Variants in SFXN4 observed in about 807,000 individuals in gnomAD.
The protein encoded by SFXN4 is sideroflexin-4.
In SFXN4, 48 loss-of-function variants were observed where a neutral mutation model predicts 54.6. The observed-to-expected ratio is 0.88, with a 90% CI of 0.70 to 1.12. The LOEUF (loss-of-function observed/expected upper bound fraction) is 1.12. Among genes scored for constraint, SFXN4 ranks in the 50% most tolerant of loss-of-function variants. The pLI is 0.00. For missense variants in SFXN4, 383 were observed against 409.2 expected (o/e 0.94, Z 0.55); for synonymous variants, 130 against 145.5 (o/e 0.89, Z 0.77).
rs992360319 is a variant in SFXN4 at position 119,156,669 on chromosome 10, C to A, written c.616+9G>T. On this transcript the variant is annotated intron_variant, in intron 10 of 13. Coordinates refer to ENST00000355697, the MANE Select transcript of SFXN4 (RefSeq NM_213649.2). Reference sequence around the variant, plus strand: ...ACCCAGACTGCAGCCTCCAGCCCTTCCTGCTCACCGAGGAAGATCACAGGT... The same window carrying A: ...ACCCAGACTGCAGCCTCCAGCCCTTACTGCTCACCGAGGAAGATCACAGGT... 1 of 1,604,354 alleles carries A rather than the reference C, an allele frequency of 6.2e-7. No homozygotes were observed. The highest frequency in any genetic ancestry group is 8.5e-7 in the Non-Finnish European group (1 of 1,173,858).
chr10:119,164,802 T>C (rs1187793787), intron 1 of SFXN4, among the ~76,000 whole-genome samples: 2 of 152,112 alleles, frequency 1.3e-5, no homozygotes, highest in South Asian at 2.1e-4. Context: ...GACCCCACTT[T>C]AGGAGAGGCC....
chr10:119,160,221 T>A (rs1255370047), intron 5 of SFXN4, among the ~76,000 whole-genome samples: 1 of 151,970 alleles, frequency 6.6e-6, no homozygotes, highest in African/African-American at 2.4e-5. Context: ...AAAATTACTA[T>A]AACATGGCCA....
At chr10:119,152,074 G>T (rs925170806) in intron 11 of SFXN4, among the ~76,000 whole-genome samples, 4 of 151,798 alleles carry the variant, frequency 2.6e-5, no homozygotes, top group Non-Finnish European at 5.9e-5. Context: ...CTCCCAAAGT[G>T]TTGGGATTAC....
intron 6 of SFXN4, among the ~76,000 whole-genome samples, chr10:119,159,202 C>G (rs1341542583): frequency 1.3e-5 from 2 of 151,868 alleles, no homozygotes; most frequent in African/African-American, 4.8e-5. Flanking sequence ...ATTGCTTGAA[C>G]GAGGGAGGCA....
chr10:119,164,268 C>CATTT, intron 1 of SFXN4, 72 bp from the exon 2 acceptor site: 1 of 504,254 alleles, frequency 2.0e-6, no homozygotes, highest in Admixed American at 4.3e-5. Flanking sequence ...TAACAGTTGG[C>CATTT]TTTTTTTTTT....
In SFXN4 at chr10:119,164,223, G is replaced by C. The variant is rs367808879; in HGVS notation, c.112-27C>G. The C allele has an allele frequency of 2.4e-5, 33 of 1,377,908 alleles. No individual in the cohort carries two copies. The African/African-American group carries it at 4.6e-4, about 19-fold the overall frequency. 85.4% of individuals were successfully genotyped at this position (1,377,908 alleles called of 1,614,324 possible). ...TTAGGAGGGAGAAAAGCAACAGAGAGGTTAATGGCAGCAGAAAAATAAAGA... is the reference window on the plus strand; with the variant it reads ...TTAGGAGGGAGAAAAGCAACAGAGACGTTAATGGCAGCAGAAAAATAAAGA... On this transcript the variant is annotated intron_variant, in intron 1 of 13. Coordinates refer to ENST00000355697, the MANE Select transcript of SFXN4 (RefSeq NM_213649.2).
chr10:119,162,701 T>C (rs1165905342), intron 2 of SFXN4, among the ~76,000 whole-genome samples: 1 of 152,214 alleles, frequency 6.6e-6, no homozygotes, highest in African/African-American at 2.4e-5. Flanking sequence ...CACCATCCCC[T>C]GGCTATACAT....
intron 13 of SFXN4, among the ~76,000 whole-genome samples, 188 bp from the exon 14 acceptor site, chr10:119,141,507 CTTT>C (rs1234472904): frequency 2.7e-4 from 31 of 113,344 alleles, no homozygotes; most frequent in African/African-American, 9.3e-4. Flanking sequence ...ACTTCTTAAA[CTTT>C]TTTTTTTTTT....
At chr10:119,164,262 A>G in intron 1 of SFXN4, 66 bp from the exon 2 acceptor site, 1 of 761,284 alleles carries the variant, frequency 1.3e-6, no homozygotes, top group Admixed American at 3.3e-5. Context: ...AAATACTAAC[A>G]GTTGGCTTTT....
intron 11 of SFXN4, among the ~76,000 whole-genome samples, chr10:119,153,823 G>A (rs1186333127): frequency 6.6e-6 from 1 of 152,184 alleles, no homozygotes; most frequent in Non-Finnish European, 1.5e-5. Context: ...CACTCATCTA[G>A]CTGTTGCTGT....
rs1847293325 is a variant in SFXN4, at chr10:119,156,725, C to T, written c.569G>A (p.Gly190Asp). 1.2e-6 allele frequency: 2 copies of T among 1,611,188 alleles called. No homozygotes were observed. The highest frequency in any genetic ancestry group is 1.7e-6 in the Non-Finnish European group (2 of 1,178,520). The change falls in exon 10 of 14, where the codon GGC becomes GAC. Residue 190 changes from glycine (G) to aspartate (D), a missense_variant. Physicochemically the swap from Gly to Asp is moderately conservative, Grantham distance 94. Coordinates refer to ENST00000355697, the MANE Select transcript of SFXN4 (RefSeq NM_213649.2). ...TCTTTTAATCCAAGGGCCAGTCAGG[C>T]CATACTTCATCTGGACAAACTGAGG... ...VIPQFVQMKY[G>D]LTGPWIKRLL... is the part of the protein sequence containing the mutation.
rs770230020 is a variant in SFXN4 at position 119,157,932 on chromosome 10, C to T, written c.415-5G>A. ...CATGTAGGCACAGAGGAAAACCTGCCGAGAGGGGCAAATGGATCGCATTTT... is the reference window on the plus strand; with the variant it reads ...CATGTAGGCACAGAGGAAAACCTGCTGAGAGGGGCAAATGGATCGCATTTT... On this transcript the variant is annotated splice_polypyrimidine_tract_variant and splice_region_variant and intron_variant, in intron 7 of 13. Transcript: ENST00000355697. 4 of 1,614,008 alleles carry T rather than the reference C, an allele frequency of 2.5e-6. No homozygotes were observed. The highest frequency in any genetic ancestry group is 2.2e-5 in the East Asian group (1 of 44,894).
intron 13 of SFXN4, among the ~76,000 whole-genome samples, chr10:119,142,490 C>A (rs1302054850): frequency 6.6e-6 from 1 of 151,386 alleles, no homozygotes; most frequent in African/African-American, 2.4e-5. Context: ...AGTAATAACT[C>A]CTTATCTCAT....
At position 119,160,409 on chromosome 10, in the gene SFXN4, G is replaced by A. The variant is rs1847473000; in HGVS notation, c.334+506C>T. Among the ~76,000 whole-genome samples the A allele has an allele frequency of 4.0e-5, 6 of 151,744 alleles. No homozygotes were observed. In the South Asian group the frequency reaches 1.3e-3, roughly 32 times the overall value. ...AGGCACCTGTAATCCCAGCTACTCA[G>A]GAGGCTGAGGCAGGAGAAATCACTT... On this transcript the variant is annotated intron_variant, in intron 5 of 13. Transcript: ENST00000355697.
At chr10:119,164,255 T>G in intron 1 of SFXN4, 59 bp from the exon 2 acceptor site, 1 of 870,594 alleles carries the variant, frequency 1.1e-6, no homozygotes, top group Non-Finnish European at 1.8e-6. Flanking sequence ...AAGATATAAA[T>G]ACTAACAGTT....
At chr10:119,164,521 T>C (rs968865226) in intron 1 of SFXN4, among the ~76,000 whole-genome samples, 4 of 152,138 alleles carry the variant, frequency 2.6e-5, no homozygotes, top group African/African-American at 9.6e-5. Flanking sequence ...TACGTTCATA[T>C]CTCACATACG....
chr10:119,148,345 A>ACCGGTTT (rs1423070058), intron 11 of SFXN4, among the ~76,000 whole-genome samples: 13 of 152,142 alleles, frequency 8.5e-5, no homozygotes, highest in African/African-American at 3.1e-4. Context: ...GGTCGGCTGC[A>ACCGGTTT]CTTTGTGCCA....
intron 11 of SFXN4, among the ~76,000 whole-genome samples, chr10:119,149,288 T>C (rs990519960): frequency 6.6e-6 from 1 of 152,164 alleles, no homozygotes; most frequent in Non-Finnish European, 1.5e-5. Flanking sequence ...CAGCTTCCCA[T>C]GATTGGCTTT....
chr10:119,154,729 G>A (rs1400034843), intron 11 of SFXN4, among the ~76,000 whole-genome samples: 2 of 152,196 alleles, frequency 1.3e-5, no homozygotes, highest in African/African-American at 4.8e-5. Context: ...CTACTTGAGA[G>A]GCTGAGGTGG....
Sources: gnomAD v4.1 joint callset for allele counts (sites outside exome capture counted in the v4.1 genomes callset) on GRCh38, gnomAD v4.1.1 for gene constraint, MANE v1.5 for transcripts, NCBI Gene and HGNC (gene_info 2026-07-23, HGNC 2026-07-21) for gene names.